Variants in CRTC1 observed in about 807,000 individuals in gnomAD.
The protein encoded by CRTC1 is CREB regulated transcription coactivator 1.
CRTC1 carries 18 observed loss-of-function variants against 66.1 expected under a neutral mutation model. That is an observed-to-expected ratio of 0.27 (90% confidence interval 0.19 to 0.40). CRTC1 has a LOEUF of 0.40. Ranked by LOEUF, CRTC1 falls within the 10% of genes least tolerant of loss-of-function variation. CRTC1 has a pLI of 1.00. For synonymous variants in CRTC1, 416 were observed against 398.8 expected (o/e 1.04, Z -0.51); for missense variants, 669 against 887.9 (o/e 0.75, Z 3.13).
At chr19:18,744,491 AACACACAC>A (rs56007866) in intron 2 of CRTC1, among the ~76,000 whole-genome samples, 4 of 148,910 alleles carry the variant, frequency 2.7e-5, no homozygotes, top group African/African-American at 9.8e-5. Context: ...CACACACACA[AACACACAC>A]ACACACACAC....
intron 1 of CRTC1, among the ~76,000 whole-genome samples, chr19:18,734,349 A>G (rs1333893155): frequency 6.6e-6 from 1 of 152,130 alleles, no homozygotes; most frequent in East Asian, 1.9e-4. Context: ...CTTTTTTGAA[A>G]GTATATTTTT....
chr19:18,727,803 C>T (rs897523143), intron 1 of CRTC1, among the ~76,000 whole-genome samples: 5 of 151,964 alleles, frequency 3.3e-5, no homozygotes, highest in Non-Finnish European at 7.4e-5. Context: ...CTCACTGCCA[C>T]CTCTGCCTCC....
At position 18,782,152 on chromosome 19, in the gene CRTC1, A is replaced by G; in HGVS notation, c.*4770A>G. The G allele has an allele frequency of 4.4e-6, 1 of 226,076 alleles. No homozygotes were observed. The highest frequency in any genetic ancestry group is 8.8e-6 in the Non-Finnish European group (1 of 113,728). 14.0% of individuals were successfully genotyped at this position (226,076 alleles called of 1,614,324 possible). On this transcript the variant is annotated 3_prime_UTR_variant, in exon 14 of 14. Transcript: ENST00000321949. ...CCCAGGCTGGCTCTCCCCCAACCCT[A>G]GCATGTATACTCTGCCACGGACGTC...
chr19:18,758,727 G>A (rs1004746204), intron 6 of CRTC1, among the ~76,000 whole-genome samples: 4 of 152,202 alleles, frequency 2.6e-5, no homozygotes, highest in Non-Finnish European at 4.4e-5. Context: ...TGAGTTTAGG[G>A]CATCAGGTCC....
In CRTC1 at chr19:18,688,874, T is replaced by C. The variant is rs545099745; in HGVS notation, c.126+5046T>C. Among the ~76,000 whole-genome samples the C allele has an allele frequency of 7.2e-5, 11 of 152,266 alleles. No individual in the cohort carries two copies. The South Asian group carries it at 2.3e-3, about 32-fold the overall frequency. On this transcript the variant is annotated intron_variant, in intron 1 of 13. Coordinates refer to ENST00000321949, the MANE Select transcript of CRTC1 (RefSeq NM_015321.3). ...ATTTCGTACCCCCAGAAAGAGACCC[T>C]GTCCCCATCAACAGTTACTTCCCAC...
intron 6 of CRTC1, among the ~76,000 whole-genome samples, chr19:18,755,593 C>CTTTTTTT (rs58121199): frequency 1.9e-5 from 2 of 107,498 alleles, no homozygotes; most frequent in African/African-American, 3.6e-5. Flanking sequence ...CCAAACCTGG[C>CTTTTTTT]TTTTTTTTTT....
At chr19:18,752,322 T>C (rs910328572) in intron 5 of CRTC1, among the ~76,000 whole-genome samples, 3 of 152,104 alleles carry the variant, frequency 2.0e-5, no homozygotes, top group Non-Finnish European at 2.9e-5. Flanking sequence ...TGCTGTTTTA[T>C]ATTATTTTAT....
rs1405131157 is a variant in CRTC1 at position 18,760,267 on chromosome 19, C to G, written c.886+39C>G. 6.8e-7 allele frequency: 1 copy of G among 1,470,454 alleles called. No homozygotes were observed. Among genetic ancestry groups the G allele is most frequent in the Non-Finnish European group, 9.3e-7 (1 of 1,080,630 alleles). 91.1% of individuals were successfully genotyped at this position (1,470,454 alleles called of 1,614,324 possible). A position where few individuals can be genotyped will look rare whatever the true frequency, so the allele number is the denominator to read the frequency against. On this transcript the variant is annotated intron_variant, in intron 8 of 13. Coordinates refer to ENST00000321949, the MANE Select transcript of CRTC1 (RefSeq NM_015321.3). This position sits in a 1 kb window ranked among gnomAD's most constrained non-coding sequence, Gnocchi z 6.2. ...ACTCCGCCCTCGGACAGAGCACTGG[C>G]TTGTGGAGACAACACGGGCATCTGC... is the stretch of plus-strand genomic sequence containing the variant.
rs776427478 is a variant in CRTC1 at position 18,759,578 on chromosome 19, G to A, written c.652G>A (p.Val218Ile). 3.7e-6 allele frequency: 6 copies of A among 1,613,022 alleles called. No individual in the cohort carries two copies. Among genetic ancestry groups the A allele is most frequent in the East Asian group, 2.2e-5 (1 of 44,836 alleles). The stretch of plus-strand genomic sequence containing the variant: ...GGGGTCCAGGCCCAAGTCCTGTGAG[G>A]TCCCCGGAATCAAGTAAGTCTCCAC... ...KTGSRPKSCE[V>I]PGINIFPSAD... The change falls in exon 7 of 14, where the codon GTC becomes ATC. Residue 218 changes from valine (V) to isoleucine (I), a missense_variant. Val to Ile is a conservative substitution (Grantham distance 29, BLOSUM62 3). This residue lies in a region of CRTC1 where 214 missense variants were observed against 323.4 expected (regional missense o/e 0.66). Transcript: ENST00000321949.
intron 1 of CRTC1, among the ~76,000 whole-genome samples, chr19:18,684,763 T>C (rs2052648043): frequency 6.6e-6 from 1 of 152,110 alleles, no homozygotes; most frequent in Non-Finnish European, 1.5e-5. Context: ...TCTGCCAGGC[T>C]CCTGTCTGGC....
At chr19:18,770,800 G>C (rs913126509) in intron 10 of CRTC1, among the ~76,000 whole-genome samples, 1 of 151,584 alleles carries the variant, frequency 6.6e-6, no homozygotes, top group African/African-American at 2.4e-5. Context: ...ATATGTGTGT[G>C]TGGGTGTGTA....
At chr19:18,750,809 A>G (rs577186595) in intron 5 of CRTC1, among the ~76,000 whole-genome samples, 2 of 152,336 alleles carry the variant, frequency 1.3e-5, no homozygotes, top group Admixed American at 6.5e-5. Context: ...GAATGTCTCC[A>G]TAATGAAAAT....
chr19:18,709,710 G>A (rs2053345367), intron 1 of CRTC1, among the ~76,000 whole-genome samples: 1 of 152,162 alleles, frequency 6.6e-6, no homozygotes, highest in South Asian at 2.1e-4. Context: ...CCCTGGGCGG[G>A]CTTCCTCATG....
chr19:18,777,394 G>A lies in CRTC1; in HGVS notation c.*12G>A, dbSNP rs769083600. The A allele has an allele frequency of 1.4e-5, 23 of 1,599,456 alleles. No individual in the cohort carries two copies. The highest frequency in any genetic ancestry group is 6.7e-5 in the East Asian group (3 of 44,860). On this transcript the variant is annotated 3_prime_UTR_variant, in exon 14 of 14. Coordinates refer to ENST00000321949, the MANE Select transcript of CRTC1 (RefSeq NM_015321.3). The surrounding 1 kb of genome is among the most constrained non-coding windows in gnomAD (Gnocchi z 5.5). ...TGGACCGCCTGTGAGCGGGCACGCC[G>A]GCACCCTGCCGCTCAGCCGTCCCGA...
intron 1 of CRTC1, among the ~76,000 whole-genome samples, chr19:18,689,170 C>T (rs2052761887): frequency 6.6e-6 from 1 of 151,982 alleles, no homozygotes; most frequent in African/African-American, 2.4e-5. Context: ...TGGTCTCGAA[C>T]TCCTGACCTC....
chr19:18,686,090 A>G (rs567011461), intron 1 of CRTC1, among the ~76,000 whole-genome samples: 35 of 147,932 alleles, frequency 2.4e-4, no homozygotes, highest in Admixed American at 2.7e-4. Flanking sequence ...ATTAACAGTC[A>G]CTCCCCATTC....
At chr19:18,759,759 T>G (rs1345838165) in intron 7 of CRTC1, among the ~76,000 whole-genome samples, 168 bp downstream of exon 7, 1 of 151,942 alleles carries the variant, frequency 6.6e-6, no homozygotes, top group Non-Finnish European at 1.5e-5. Context: ...GGCACCTCAT[T>G]CCCAGGGATG....
In CRTC1 at chr19:18,760,728, C is replaced by T. The variant is rs1379383405; in HGVS notation, c.886+500C>T. ...CCACAGGGACGTCGCACAGGCCCCT[C>T]GCCCGTCCCAATAGCTCCTGGCGCT... On this transcript the variant is annotated intron_variant, in intron 8 of 13. Transcript: ENST00000321949. This position sits in a 1 kb window ranked among gnomAD's most constrained non-coding sequence, Gnocchi z 6.2. Among the ~76,000 whole-genome samples, 3 of 152,218 alleles carry T rather than the reference C, an allele frequency of 2.0e-5. No homozygotes were observed. Among genetic ancestry groups the T allele is most frequent in the South Asian group, 4.1e-4 (2 of 4,834 alleles).
chr19:18,767,344 T>C (rs909810065), intron 9 of CRTC1, among the ~76,000 whole-genome samples: 2 of 152,098 alleles, frequency 1.3e-5, no homozygotes, highest in South Asian at 2.1e-4. Flanking sequence ...ATTACAGGCA[T>C]GTGCCTACCA....
Sources: gnomAD v4.1 joint callset for allele counts (sites outside exome capture counted in the v4.1 genomes callset) on GRCh38, gnomAD v4.1.1 for gene constraint, gnomAD v4.1.1 regional missense constraint, Gnocchi (gnomAD v3.1) non-coding constraint, MANE v1.5 for transcripts, NCBI Gene and HGNC (gene_info 2026-07-23, HGNC 2026-07-21) for gene names.